The following NXPE3 variants were observed in gnomAD, a reference collection of about 807,000 sequenced individuals.
The protein encoded by NXPE3 is neurexophilin and PC-esterase domain family member 3.
Under a neutral mutation model 46.1 loss-of-function variants are expected in NXPE3, and 26 were observed. That is an observed-to-expected ratio of 0.56 (90% confidence interval 0.41 to 0.78). The LOEUF (loss-of-function observed/expected upper bound fraction) is 0.78. NXPE3 is among the 30% of genes least tolerant of loss of function. The pLI is 0.00. For synonymous variants in NXPE3, 272 were observed against 257.9 expected, an observed-to-expected ratio of 1.05 and a Z score of -0.52; for missense variants, 620 against 686.0, an observed-to-expected ratio of 0.90 and a Z score of 1.07.
At position 101,824,114 on chromosome 3, in the gene NXPE3, A is replaced by AG. The variant is rs1266346996; in HGVS notation, c.*2160_*2161insG. ...AGACCCTGTCTCTAAAAAAAAAAAA[A>AG]AAAAAAAAAGAGGGACCATGATGCC... On this transcript the variant is annotated 3_prime_UTR_variant, in exon 8 of 8. Transcript: ENST00000273347. 1 of 152,366 alleles carries AG rather than the reference A, an allele frequency of 6.6e-6. No homozygotes were observed. The highest frequency in any genetic ancestry group is 1.5e-5 in the Non-Finnish European group (1 of 68,418). The allele number at this position is 152,366 out of a possible 1,614,324, so 9.4% of individuals were successfully genotyped here.
chr3:101,781,922 T>A (rs1939846492), intron 1 of NXPE3, 188 bp from the exon 2 acceptor site: 1 of 152,228 alleles, frequency 6.6e-6, no homozygotes, highest in South Asian at 2.1e-4. Flanking sequence ...AGTTCATGTA[T>A]TTAAATAGAC....
At chr3:101,812,811 CAAAAAAAAAA>C (rs57029374) in intron 6 of NXPE3, among the ~76,000 whole-genome samples, 1 of 58,716 alleles carries the variant, frequency 1.7e-5, no homozygotes, top group South Asian at 1.1e-3. Context: ...GACTCCGTCT[CAAAAAAAAAA>C]AAAAAAAAAA....
intron 7 of NXPE3, among the ~76,000 whole-genome samples, chr3:101,819,877 A>G (rs1006431867): frequency 2.0e-5 from 3 of 152,190 alleles, no homozygotes; most frequent in Non-Finnish European, 2.9e-5. Flanking sequence ...ACCTTGATTA[A>G]TATTTCCCCA....
At chr3:101,807,224 G>A in intron 6 of NXPE3, 98 bp downstream of exon 6, 2 of 798,732 alleles carry the variant, frequency 2.5e-6, no homozygotes, top group Non-Finnish European at 2.1e-6. Context: ...ATATGCCATA[G>A]TTACTTCTGG....
intron 1 of NXPE3, among the ~76,000 whole-genome samples, chr3:101,780,959 G>A (rs1939785338): frequency 2.0e-5 from 3 of 152,144 alleles, no homozygotes; most frequent in African/African-American, 7.2e-5. Flanking sequence ...GACCCTATTT[G>A]GTTAACCCAT....
At chr3:101,802,182 A>G (rs1288574806) in intron 5 of NXPE3, among the ~76,000 whole-genome samples, 193 bp downstream of exon 5, 2 of 152,152 alleles carry the variant, frequency 1.3e-5, no homozygotes, top group Admixed American at 6.5e-5. Flanking sequence ...ATGAAGCTTA[A>G]TGCTTATCTG....
intron 6 of NXPE3, among the ~76,000 whole-genome samples, chr3:101,816,539 G>A (rs1480391930): frequency 6.6e-6 from 1 of 151,928 alleles, no homozygotes; most frequent in Non-Finnish European, 1.5e-5. Context: ...TTCTGTTCCT[G>A]TGTTAGTTTG....
At chr3:101,795,951 G>A (rs1940808964) in intron 4 of NXPE3, among the ~76,000 whole-genome samples, 1 of 152,180 alleles carries the variant, frequency 6.6e-6, no homozygotes, top group Non-Finnish European at 1.5e-5. Context: ...CCCACCTGAA[G>A]AAACAGTTGT....
intron 6 of NXPE3, 95 bp downstream of exon 6, chr3:101,807,221 A>G (rs1457448866): frequency 3.6e-6 from 3 of 832,010 alleles, no homozygotes; most frequent in South Asian, 2.9e-5. Flanking sequence ...CTTATATGCC[A>G]TAGTTACTTC....
chr3:101,797,353 C>T (rs1167383232), intron 4 of NXPE3, among the ~76,000 whole-genome samples: 1 of 151,898 alleles, frequency 6.6e-6, no homozygotes, highest in Non-Finnish European at 1.5e-5. Context: ...GACAGCTTGG[C>T]TTCTAATCCT....
At chr3:101,790,978 G>C (rs1324390958) in intron 4 of NXPE3, among the ~76,000 whole-genome samples, 2 of 151,908 alleles carry the variant, frequency 1.3e-5, no homozygotes, top group African/African-American at 4.8e-5. Context: ...TTTAGGTTTG[G>C]GGGTACATGT....
chr3:101,812,020 C>T (rs1941735648), intron 6 of NXPE3, among the ~76,000 whole-genome samples: 1 of 151,982 alleles, frequency 6.6e-6, no homozygotes, highest in African/African-American at 2.4e-5. Flanking sequence ...AGGTGTGAGC[C>T]ACCACTGTAC....
rs146775844 is a variant in NXPE3, at chr3:101,801,783, C to T, written c.642C>T (p.Phe214=). ...ACAGGGTCTATTTCAAGAGTCTCTT[C>T]CGTTCAGGAAGAATTTCTGAAACTA... ...KPDRVYFKSL[F]RSGRISETTE... is the part of the protein sequence containing the mutation. The change falls in exon 5 of 8, where the codon TTC becomes TTT. Residue 214 remains phenylalanine (F), a synonymous_variant. Transcript: ENST00000273347. 8 of 1,614,212 alleles carry T rather than the reference C, an allele frequency of 5.0e-6. No homozygotes were observed. In the East Asian group the frequency reaches 1.6e-4, roughly 31 times the overall value.
intron 4 of NXPE3, among the ~76,000 whole-genome samples, chr3:101,788,903 A>T (rs1232624108): frequency 6.6e-6 from 1 of 152,080 alleles, no homozygotes; most frequent in Non-Finnish European, 1.5e-5. Flanking sequence ...AGCATGAGCC[A>T]CCATGCCTGG....
chr3:101,818,625 GTAGT>G (rs1249187412), intron 7 of NXPE3, among the ~76,000 whole-genome samples: 1 of 147,376 alleles, frequency 6.8e-6, no homozygotes, highest in Admixed American at 6.8e-5. Context: ...ATGCTAAGTA[GTAGT>G]TAGGTAGGAA....
At chr3:101,793,901 A>AAGACT (rs1940668177) in intron 4 of NXPE3, among the ~76,000 whole-genome samples, 1 of 151,726 alleles carries the variant, frequency 6.6e-6, no homozygotes, top group Non-Finnish European at 1.5e-5. Context: ...CATGGTCTTT[A>AAGACT]AGACTCTCAG....
In NXPE3 at chr3:101,816,419, CT is replaced by C. The variant is rs557785473; in HGVS notation, c.923-374del. 1.2e-3 allele frequency among the ~76,000 whole-genome samples: 190 copies of C among 152,202 alleles called. 5 individuals carry two copies. The South Asian group carries it at 0.039, about 31-fold the overall frequency. ...TATTTGTCCTAATGCTCTCCCTCCC[CT>C]TCCCCCCAACCCCCCGACAGGCCAC... On this transcript the variant is annotated intron_variant, in intron 6 of 7. Transcript: ENST00000273347.
In NXPE3 at chr3:101,785,444, C is replaced by T; in HGVS notation, c.-153C>T. The T allele has an allele frequency of 1.6e-6, 1 of 637,850 alleles. No individual in the cohort carries two copies. The highest frequency in any genetic ancestry group is 2.8e-6 in the Non-Finnish European group (1 of 354,280). 39.5% of individuals were successfully genotyped at this position (637,850 alleles called of 1,614,324 possible). On this transcript the variant is annotated 5_prime_UTR_variant, in exon 4 of 8. Coordinates refer to ENST00000273347, the MANE Select transcript of NXPE3 (RefSeq NM_145037.4). ...ATGTGCTTCTTGAATCAACTGCAGT[C>T]TCTCCTCTGCATAAGAGCTCTTAAG...
intron 6 of NXPE3, among the ~76,000 whole-genome samples, chr3:101,807,733 A>G (rs1941488261): frequency 6.6e-6 from 1 of 152,076 alleles, no homozygotes; most frequent in African/African-American, 2.4e-5. Flanking sequence ...AGTCACTTGT[A>G]GTGATTCAAA....
Sources: gnomAD v4.1 joint callset for allele counts (sites outside exome capture counted in the v4.1 genomes callset) on GRCh38, gnomAD v4.1.1 for gene constraint, MANE v1.5 for transcripts, NCBI Gene and HGNC (gene_info 2026-07-23, HGNC 2026-07-21) for gene names.